The following ACTN2 variants were observed in gnomAD, a reference collection of about 807,000 sequenced individuals.
ACTN2 encodes alpha-actinin-2.
In ACTN2, 39 loss-of-function variants were observed where a neutral mutation model predicts 113.8. The observed-to-expected ratio is 0.34, with a 90% CI of 0.27 to 0.45. ACTN2 has a LOEUF of 0.45. Among genes scored for constraint, ACTN2 ranks in the 20% least tolerant of loss-of-function variants. The probability of loss-of-function intolerance (pLI) is 1.00; values close to 1 mark genes in which losing one functional copy is unlikely to be tolerated. For missense variants in ACTN2, 992 were observed against 1,177.9 expected (o/e 0.84, Z 2.31); for synonymous variants, 429 against 444.1 (o/e 0.97, Z 0.43).
intron 4 of ACTN2, among the ~76,000 whole-genome samples, chr1:236,724,385 C>T (rs149951358): frequency 2.6e-5 from 4 of 152,334 alleles, no homozygotes; most frequent in African/African-American, 9.6e-5. Flanking sequence ...AAGACACCAA[C>T]ATTGAGGCCA....
intron 2 of ACTN2, among the ~76,000 whole-genome samples, chr1:236,718,647 ACTC>A: frequency 6.6e-6 from 1 of 151,570 alleles, no homozygotes; most frequent in East Asian, 1.9e-4. Context: ...GCCAAACCAG[ACTC>A]TCCCTGCAGA....
Position 236,744,696 on chromosome 1 carries a change from G to A in ACTN2, c.1326G>A (p.Arg442=). The part of the protein sequence containing the change: ...ASLTEVRALL[R]KHEAFESDLA... ...TGACAGAGGTGCGGGCTCTGCTGCG[G>A]AAGCACGAGGCGTTCGAGAGCGACC... is the stretch of plus-strand genomic sequence containing the variant. Residue 442 remains arginine (R), a synonymous_variant, in exon 12 of 21, where the codon CGG becomes CGA. Coordinates refer to ENST00000366578, the MANE Select transcript of ACTN2 (RefSeq NM_001103.4). 6.2e-7 allele frequency: 1 copy of A among 1,614,214 alleles called. No homozygotes were observed. Among genetic ancestry groups the A allele is most frequent in the Non-Finnish European group, 8.5e-7 (1 of 1,180,040 alleles).
rs1198632374 is a variant in ACTN2, at chr1:236,725,983, C to A, written c.499C>A (p.Pro167Thr). The change falls in exon 5 of 21, where the codon CCT (proline) becomes ACT (threonine). Residue 167 changes from proline (P) to threonine (T), a missense_variant. Transcript: ENST00000366578. Reference protein sequence around the residue: ...LLLWCQRKTAPYRNVNIQNFH... With the variant: ...LLLWCQRKTATYRNVNIQNFH... Reference sequence around the variant, plus strand: ...GCTTTGGTGTCAGAGGAAAACTGCTCCTTATAGAAATGTGAACATTCAGAA... The same window carrying A: ...GCTTTGGTGTCAGAGGAAAACTGCTACTTATAGAAATGTGAACATTCAGAA... The A allele has an allele frequency of 1.2e-6, 2 of 1,614,164 alleles. No homozygotes were observed. The highest frequency in any genetic ancestry group is 1.1e-5 in the South Asian group (1 of 91,076).
rs769940120 is a variant in ACTN2 at position 236,762,507 on chromosome 1, A to C, written c.2573A>C (p.Gln858Pro). Reference sequence around the variant, plus strand: ...CTGCGTCGGGAGCTGCCCCCGGATCAGGCCCAGTACTGCATCAAGAGGATG... The same window carrying C: ...CTGCGTCGGGAGCTGCCCCCGGATCCGGCCCAGTACTGCATCAAGAGGATG... ...EELRRELPPD[Q>P]AQYCIKRMPA... Residue 858 changes from glutamine to proline, a missense_variant, in exon 21 of 21, where the codon CAG (glutamine) becomes CCG (proline). Around this residue, in one of 3 missense-constraint regions of ACTN2, gnomAD observed 736 missense variants for 815.4 expected, o/e 0.90. Coordinates refer to ENST00000366578, the MANE Select transcript of ACTN2 (RefSeq NM_001103.4). 10 of 1,614,196 alleles carry C rather than the reference A, an allele frequency of 6.2e-6. No individual in the cohort carries two copies. The highest frequency in any genetic ancestry group is 2.7e-5 in the African/African-American group (2 of 75,060).
At position 236,763,352 on chromosome 1, in the gene ACTN2, A is replaced by T. The variant is rs1184572976; in HGVS notation, c.*733A>T. The T allele has an allele frequency of 6.5e-6, 1 of 152,808 alleles. No homozygotes were observed. The allele number at this position is 152,808 out of a possible 1,614,324, so 9.5% of individuals were successfully genotyped here. A position where few individuals can be genotyped will look rare whatever the true frequency, so the allele number is the denominator to read the frequency against. On this transcript the variant is annotated 3_prime_UTR_variant, in exon 21 of 21. Transcript: ENST00000366578. ...GTCAGTTTAATTGCCAGAGAGAAGG[A>T]TGCAATCACTAGGTAAAATGAGGTT...
intron 4 of ACTN2, among the ~76,000 whole-genome samples, chr1:236,721,867 A>G (rs1276321346): frequency 6.6e-6 from 1 of 152,192 alleles, no homozygotes; most frequent in Non-Finnish European, 1.5e-5. Flanking sequence ...TAGTGATAAT[A>G]TGAATTCAAA....
intron 20 of ACTN2, among the ~76,000 whole-genome samples, chr1:236,761,380 C>T (rs536604550): frequency 6.6e-6 from 1 of 152,212 alleles, no homozygotes; most frequent in Admixed American, 6.5e-5. Context: ...GGCATTCGTG[C>T]TTGGCCTTGC....
At chr1:236,701,061 G>T (rs1657658745) in intron 1 of ACTN2, among the ~76,000 whole-genome samples, 1 of 152,172 alleles carries the variant, frequency 6.6e-6, no homozygotes, top group South Asian at 2.1e-4. Flanking sequence ...TCAGAGGTGG[G>T]GTGACCCTAT....
intron 1 of ACTN2, among the ~76,000 whole-genome samples, chr1:236,705,753 G>A (rs1264046939): frequency 1.3e-5 from 2 of 152,194 alleles, no homozygotes; most frequent in Admixed American, 6.5e-5. Context: ...AGTTATGGGG[G>A]TGATTCCATA....
At chr1:236,719,334 T>G (rs1056567668) in intron 3 of ACTN2, among the ~76,000 whole-genome samples, 1 of 152,244 alleles carries the variant, frequency 6.6e-6, no homozygotes, top group Non-Finnish European at 1.5e-5. Flanking sequence ...GTGGCCTCTT[T>G]GTTCTCTATG....
intron 15 of ACTN2, among the ~76,000 whole-genome samples, chr1:236,753,387 G>A (rs1260722721): frequency 1.3e-5 from 2 of 152,152 alleles, no homozygotes; most frequent in African/African-American, 4.8e-5. Context: ...CTGAGTGTAC[G>A]TGATATTTGT....
At chr1:236,692,974 G>A (rs563746346) in intron 1 of ACTN2, among the ~76,000 whole-genome samples, 4 of 152,162 alleles carry the variant, frequency 2.6e-5, no homozygotes, top group East Asian at 1.9e-4. Context: ...CACGGAATGC[G>A]TTGGAGGACA....
At chr1:236,728,596 T>G (rs2564765) in intron 6 of ACTN2, among the ~76,000 whole-genome samples, 1 of 152,184 alleles carries the variant, frequency 6.6e-6, no homozygotes, top group Admixed American at 6.5e-5. Context: ...TAGCCTTGCA[T>G]AAGAAGTTTT....
Position 236,762,561 on chromosome 1 carries a change from C to G in ACTN2, c.2627C>G (p.Pro876Arg). ...MPAYSGPGSV[P>R]GALDYAAFSS... Reference sequence around the variant, plus strand: ...GCCTACTCGGGCCCAGGCAGTGTGCCTGGTGCACTGGATTACGCTGCGTTC... The same window carrying G: ...GCCTACTCGGGCCCAGGCAGTGTGCGTGGTGCACTGGATTACGCTGCGTTC... Residue 876 changes from proline (P) to arginine (R), a missense_variant, in exon 21 of 21, where the codon CCT becomes CGT. Pro to Arg is a moderately radical substitution (Grantham distance 103). This residue lies in a region of ACTN2 where 736 missense variants were observed against 815.4 expected (regional missense o/e 0.90). Transcript: ENST00000366578. 1 of 1,614,192 alleles carries G rather than the reference C, an allele frequency of 6.2e-7. No individual in the cohort carries two copies. Among genetic ancestry groups the G allele is most frequent in the Non-Finnish European group, 8.5e-7 (1 of 1,180,034 alleles).
intron 7 of ACTN2, among the ~76,000 whole-genome samples, chr1:236,735,426 A>T (rs1044457484): frequency 6.6e-6 from 1 of 152,154 alleles, no homozygotes; most frequent in South Asian, 2.1e-4. Flanking sequence ...TCCTTAAAAA[A>T]CATGCTGGCT....
chr1:236,749,128 T>C lies in ACTN2; in HGVS notation c.1520T>C (p.Met507Thr). Residue 507 changes from methionine (M) to threonine (T), a missense_variant, in exon 14 of 21, where the codon ATG (methionine) becomes ACG (threonine). Physicochemically the swap from Met to Thr is moderately conservative, Grantham distance 81. This residue lies in a region of ACTN2 where 736 missense variants were observed against 815.4 expected (regional missense o/e 0.90). Transcript: ENST00000366578. ...TQKRREALER[M>T]EKLLETIDQL... ...TTGCTTCTCTTTATTCTTTAGAGAA[T>C]GGAGAAATTGCTAGAAACCATTGAT... is the stretch of plus-strand genomic sequence containing the variant. 1.2e-6 allele frequency: 2 copies of C among 1,614,196 alleles called. No individual in the cohort carries two copies. Among genetic ancestry groups the C allele is most frequent in the Non-Finnish European group, 1.7e-6 (2 of 1,180,030 alleles).
At chr1:236,715,389 T>C (rs1053040917) in intron 1 of ACTN2, among the ~76,000 whole-genome samples, 4 of 144,650 alleles carry the variant, frequency 2.8e-5, no homozygotes, top group Admixed American at 7.4e-5. Flanking sequence ...AAAATTAATA[T>C]GTTAAAAAAT....
intron 1 of ACTN2, among the ~76,000 whole-genome samples, chr1:236,691,767 TA>T (rs1374084751): frequency 6.6e-6 from 1 of 152,132 alleles, no homozygotes; most frequent in Non-Finnish European, 1.5e-5. Flanking sequence ...GGTAAGAGTA[TA>T]GAAGGAGAAA....
intron 9 of ACTN2, 113 bp from the exon 10 acceptor site, chr1:236,739,189 T>G: frequency 9.0e-7 from 1 of 1,116,516 alleles, no homozygotes; most frequent in Non-Finnish European, 1.4e-6. Context: ...CACATCTCAG[T>G]GATTTTAGGA....
Sources: gnomAD v4.1 joint callset for allele counts (sites outside exome capture counted in the v4.1 genomes callset) on GRCh38, gnomAD v4.1.1 for gene constraint, gnomAD v4.1.1 regional missense constraint, MANE v1.5 for transcripts, NCBI Gene and HGNC (gene_info 2026-07-23, HGNC 2026-07-21) for gene names.